The following COPS3 variants were observed in gnomAD, a reference collection of about 807,000 sequenced individuals.
COPS3 encodes the protein COP9 signalosome subunit 3, also known as COP9 signalosome complex subunit 3.
COPS3 carries 10 observed loss-of-function variants against 58.2 expected under a neutral mutation model. That is an observed-to-expected ratio of 0.17 (90% CI 0.11 to 0.29). The LOEUF is 0.29. Among genes scored for constraint, COPS3 ranks in the 10% least tolerant of loss-of-function variants. The pLI, the probability that COPS3 is intolerant of heterozygous loss-of-function variation, is 1.00. For missense variants in COPS3, 333 were observed against 510.1 expected (o/e 0.65, Z 3.34); for synonymous variants, 187 against 181.7 (o/e 1.03, Z -0.24).
chr17:17,269,790 T>C (rs745759756), intron 4 of COPS3, among the ~76,000 whole-genome samples: 6 of 152,316 alleles, frequency 3.9e-5, no homozygotes, highest in Non-Finnish European at 8.8e-5. Context: ...TGTCCTTTTA[T>C]AGCAAAAGAC....
At position 17,262,124 on chromosome 17, in the gene COPS3, G is replaced by A. The variant is rs1312629835; in HGVS notation, c.622-18C>T. 1.9e-6 allele frequency: 3 copies of A among 1,600,862 alleles called. No individual in the cohort carries two copies. In the Admixed American group the frequency reaches 5.4e-5, roughly 29 times the overall value. On this transcript the variant is annotated intron_variant, in intron 6 of 11. Transcript: ENST00000268717. ...GTTATAGCCTAGGCAAGAGAAGAAT[G>A]CTTGCTGTAAAGAGAACATACCACA... is the stretch of plus-strand genomic sequence containing the variant.
intron 8 of COPS3, among the ~76,000 whole-genome samples, chr17:17,255,339 G>A (rs918363624): frequency 6.0e-5 from 9 of 151,126 alleles, no homozygotes; most frequent in African/African-American, 1.5e-4. Context: ...TTAGCCAGGC[G>A]TGGTGGCATG....
chr17:17,279,269 A>G (rs757834150), intron 1 of COPS3, among the ~76,000 whole-genome samples: 17 of 152,178 alleles, frequency 1.1e-4, no homozygotes, highest in Non-Finnish European at 1.9e-4. Flanking sequence ...GACTGTTCCT[A>G]TAGCATCCTA....
At position 17,251,273 on chromosome 17, in the gene COPS3, T is replaced by C. The variant is rs545357892; in HGVS notation, c.1024-2234A>G. Reference sequence around the variant, plus strand: ...CCTCCCAAAGTGCTGGAATTACAGGTGTGAGCCACCATACCCGGCCTATTT... The same window carrying C: ...CCTCCCAAAGTGCTGGAATTACAGGCGTGAGCCACCATACCCGGCCTATTT... On this transcript the variant is annotated intron_variant, in intron 9 of 11. Coordinates refer to ENST00000268717, the MANE Select transcript of COPS3 (RefSeq NM_003653.4). Among the ~76,000 whole-genome samples, 4 of 147,638 alleles carry C rather than the reference T, an allele frequency of 2.7e-5. No individual in the cohort carries two copies. In the East Asian group the frequency reaches 6.1e-4, roughly 23 times the overall value.
At chr17:17,275,693 C>T (rs2048446763) in intron 2 of COPS3, among the ~76,000 whole-genome samples, 1 of 152,078 alleles carries the variant, frequency 6.6e-6, no homozygotes, top group African/African-American at 2.4e-5. Context: ...CCTGTAATCC[C>T]AGCATTTTGG....
intron 6 of COPS3, among the ~76,000 whole-genome samples, chr17:17,263,918 C>T (rs1299221725): frequency 6.6e-6 from 1 of 152,206 alleles, no homozygotes; most frequent in East Asian, 1.9e-4. Flanking sequence ...CCAGTGGCTA[C>T]GAAGTGCATT....
At chr17:17,251,870 C>T (rs2047852110) in intron 9 of COPS3, among the ~76,000 whole-genome samples, 1 of 151,832 alleles carries the variant, frequency 6.6e-6, no homozygotes, top group Admixed American at 6.6e-5. Context: ...GAGATCAAGA[C>T]CATCCTGGCT....
chr17:17,267,746 G>C, intron 5 of COPS3, 139 bp downstream of exon 5: 3 of 668,046 alleles, frequency 4.5e-6, no homozygotes, highest in Non-Finnish European at 7.0e-6. Flanking sequence ...GAATGTAATA[G>C]ATGTACCTAC....
intron 8 of COPS3, among the ~76,000 whole-genome samples, chr17:17,257,269 C>A (rs2047996016): frequency 6.6e-6 from 1 of 150,914 alleles, no homozygotes; most frequent in South Asian, 2.1e-4. Context: ...GAGGTTGAGG[C>A]AGGAGAATCG....
Position 17,248,951 on chromosome 17 carries a change from G to C in COPS3, c.1112C>G (p.Ala371Gly), listed in dbSNP as rs775388275. Reference protein sequence around the residue: ...HDNPEKYNNPAMLHNIDQEML... With the variant: ...HDNPEKYNNPGMLHNIDQEML... The stretch of plus-strand genomic sequence containing the variant: ...CTCCTGATCAATGTTATGAAGCATG[G>C]CTGGGTTATTATATTTTTCAGGGTT... Residue 371 changes from alanine (A) to glycine (G), a missense_variant, in exon 10 of 12, where the codon GCC becomes GGC. Coordinates refer to ENST00000268717, the MANE Select transcript of COPS3 (RefSeq NM_003653.4). 1.2e-5 allele frequency: 19 copies of C among 1,604,986 alleles called. No homozygotes were observed. Among genetic ancestry groups the C allele is most frequent in the Non-Finnish European group, 1.5e-5 (18 of 1,175,222 alleles).
intron 6 of COPS3, among the ~76,000 whole-genome samples, chr17:17,263,021 G>A (rs1301733639): frequency 1.3e-5 from 2 of 151,726 alleles, no homozygotes; most frequent in East Asian, 4.1e-4. Flanking sequence ...GGGCGTGTTG[G>A]CTCATGCCTG....
At position 17,276,313 on chromosome 17, in the gene COPS3, GA is replaced by G. The variant is rs1326832828; in HGVS notation, c.56-150del. ...TTCGGATGAGGATCCAGAAGGACCA[GA>G]GGAGTGAAACAACCTGTCCGTGGTC... On this transcript the variant is annotated intron_variant, in intron 1 of 11. Coordinates refer to ENST00000268717, the MANE Select transcript of COPS3 (RefSeq NM_003653.4). 7.1e-6 allele frequency: 7 copies of G among 991,268 alleles called. No homozygotes were observed. The African/African-American group carries it at 9.7e-5, about 14-fold the overall frequency. 61.4% of individuals were successfully genotyped at this position (991,268 alleles called of 1,614,324 possible). A position where few individuals can be genotyped will look rare whatever the true frequency, so the allele number is the denominator to read the frequency against.
chr17:17,252,068 C>CAA, intron 9 of COPS3, among the ~76,000 whole-genome samples: 1 of 137,240 alleles, frequency 7.3e-6, no homozygotes, highest in East Asian at 2.1e-4. Flanking sequence ...GACTCCGTCT[C>CAA]AAAAAAAAAA....
intron 2 of COPS3, among the ~76,000 whole-genome samples, chr17:17,275,383 AG>A (rs1442983510): frequency 6.6e-6 from 1 of 151,890 alleles, no homozygotes; most frequent in Admixed American, 6.6e-5. Context: ...CACTGTGCCC[AG>A]CTGCAACAAC....
intron 5 of COPS3, among the ~76,000 whole-genome samples, chr17:17,266,288 A>C (rs1461080181): frequency 6.6e-6 from 1 of 152,222 alleles, no homozygotes. Context: ...GCTACATAAG[A>C]GTATGCATAG....
intron 9 of COPS3, among the ~76,000 whole-genome samples, chr17:17,251,127 T>C (rs184717823): frequency 1.3e-5 from 2 of 152,238 alleles, no homozygotes; most frequent in African/African-American, 4.8e-5. Context: ...CCCGAGTAGC[T>C]GGGACTACAG....
chr17:17,278,252 T>C (rs1176369828), intron 1 of COPS3, among the ~76,000 whole-genome samples: 3 of 152,226 alleles, frequency 2.0e-5, no homozygotes, highest in Non-Finnish European at 4.4e-5. Flanking sequence ...TCTGTCTTTC[T>C]GGTAACAGTG....
intron 1 of COPS3, among the ~76,000 whole-genome samples, chr17:17,278,233 T>C (rs1224233870): frequency 6.6e-6 from 1 of 152,204 alleles, no homozygotes; most frequent in African/African-American, 2.4e-5. Context: ...ACAGATACCA[T>C]GGTCACACTC....
intron 4 of COPS3, among the ~76,000 whole-genome samples, chr17:17,268,846 AC>A (rs56139850): frequency 0.53 from 74,523 of 139,418 alleles, 19,003 homozygotes; most frequent in East Asian, 0.65. Flanking sequence ...AACAACAACA[AC>A]AAAAATATAT....
Sources: gnomAD v4.1 joint callset for allele counts (sites outside exome capture counted in the v4.1 genomes callset) on GRCh38, gnomAD v4.1.1 for gene constraint, MANE v1.5 for transcripts, NCBI Gene and HGNC (gene_info 2026-07-23, HGNC 2026-07-21) for gene names.